Variants in RAPGEF6 observed in about 807,000 individuals in gnomAD.
RAPGEF6 encodes the protein PDZ domain containing guanine nucleotide exchange factor (GEF) 2.
A neutral mutation model predicts 171.4 loss-of-function variants in RAPGEF6; 56 were observed. The ratio of observed to expected loss-of-function variants is 0.33; its 90% CI spans 0.26 to 0.41. RAPGEF6 has a LOEUF of 0.41. RAPGEF6 is among the 10% of genes least tolerant of loss of function. The pLI, the probability that RAPGEF6 is intolerant of heterozygous loss-of-function variation, is 1.00. For synonymous variants in RAPGEF6, 692 were observed against 650.1 expected (o/e 1.06, Z -0.98); for missense variants, 1,674 against 1,921.4 (o/e 0.87, Z 2.41).
chr5:131,445,899 G>A (rs935225954), intron 22 of RAPGEF6, among the ~76,000 whole-genome samples: 2 of 151,782 alleles, frequency 1.3e-5, no homozygotes, highest in African/African-American at 4.8e-5. Context: ...CATTATCTTT[G>A]ATTTCTGCTC....
intron 1 of RAPGEF6, among the ~76,000 whole-genome samples, chr5:131,617,266 GAT>G (rs770941155): frequency 2.1e-4 from 31 of 148,740 alleles, no homozygotes; most frequent in Non-Finnish European, 3.6e-4. Flanking sequence ...GCAATGTGGA[GAT>G]ACTTGGTCTC....
chr5:131,494,661 T>C (rs1199397233), intron 13 of RAPGEF6, among the ~76,000 whole-genome samples: 1 of 152,190 alleles, frequency 6.6e-6, no homozygotes, highest in South Asian at 2.1e-4. Context: ...TATAGATTAC[T>C]GACAAAGAAA....
chr5:131,605,112 T>G (rs1028803750), intron 1 of RAPGEF6, among the ~76,000 whole-genome samples: 3 of 152,194 alleles, frequency 2.0e-5, no homozygotes, highest in African/African-American at 7.2e-5. Context: ...AAAGAATTTC[T>G]TTCTAAAGAG....
At position 131,523,279 on chromosome 5, in the gene RAPGEF6, CTT is replaced by C. The variant is rs1171953953; in HGVS notation, c.496-1760_496-1759del. On this transcript the variant is annotated intron_variant, in intron 6 of 27. Transcript: ENST00000509018. ...GGCCACATACAGTTTCTGTTGTATG[CTT>C]TTTTTTTTTTTTTTTTTTTTTTTTA... Among the ~76,000 whole-genome samples, 132 of 66,648 alleles carry C rather than the reference CTT, an allele frequency of 2.0e-3. 1 individual carries two copies. The highest frequency in any genetic ancestry group is 0.013 in the East Asian group (29 of 2,196). The allele number at this position is 66,648 out of a possible 152,430, so 43.7% of individuals were successfully genotyped here.
intron 20 of RAPGEF6, among the ~76,000 whole-genome samples, chr5:131,453,565 T>C (rs1310449350): frequency 6.6e-6 from 1 of 152,156 alleles, no homozygotes; most frequent in African/African-American, 2.4e-5. Flanking sequence ...CACTTCAGCC[T>C]GGGCAACAGA....
At chr5:131,539,687 T>A (rs1377348901) in intron 6 of RAPGEF6, among the ~76,000 whole-genome samples, 1 of 152,168 alleles carries the variant, frequency 6.6e-6, no homozygotes, top group Non-Finnish European at 1.5e-5. Flanking sequence ...CACCACAAAG[T>A]TGGTAAGTGA....
At chr5:131,502,999 C>T (rs576130702) in intron 11 of RAPGEF6, among the ~76,000 whole-genome samples, 2 of 152,236 alleles carry the variant, frequency 1.3e-5, no homozygotes, top group South Asian at 4.2e-4. Context: ...AATAGGGTTT[C>T]ACCATGTTGG....
intron 16 of RAPGEF6, 74 bp from the exon 17 acceptor site, chr5:131,472,818 C>T (rs1417232820): frequency 2.3e-6 from 3 of 1,307,648 alleles, no homozygotes; most frequent in East Asian, 2.4e-5. Context: ...GTTCCCTGTG[C>T]ACTAAGGCAT....
intron 1 of RAPGEF6, among the ~76,000 whole-genome samples, chr5:131,619,133 G>A (rs1275543452): frequency 2.0e-5 from 3 of 152,026 alleles, no homozygotes; most frequent in Non-Finnish European, 2.9e-5. Flanking sequence ...ACCCTGGATT[G>A]AAAAATGAAA....
intron 7 of RAPGEF6, among the ~76,000 whole-genome samples, chr5:131,518,996 T>A (rs928377111): frequency 6.6e-6 from 1 of 152,120 alleles, no homozygotes; most frequent in Non-Finnish European, 1.5e-5. Flanking sequence ...AGAAAAGAGA[T>A]TGGTGGTTGC....
intron 19 of RAPGEF6, among the ~76,000 whole-genome samples, chr5:131,457,358 A>C (rs1450282240): frequency 6.6e-6 from 1 of 152,242 alleles, no homozygotes; most frequent in African/African-American, 2.4e-5. Flanking sequence ...GGCATGAGCC[A>C]CCATGCCAAG....
At chr5:131,540,175 T>TA (rs1456276586) in intron 6 of RAPGEF6, among the ~76,000 whole-genome samples, 4 of 151,806 alleles carry the variant, frequency 2.6e-5, no homozygotes, top group Admixed American at 1.3e-4. Flanking sequence ...GAACAAGAAA[T>TA]AAAAAAAATT....
rs143888241 is a variant in RAPGEF6, at chr5:131,576,207, C to T, written c.282-14160G>A. Among the ~76,000 whole-genome samples, 96 of 152,214 alleles carry T rather than the reference C, an allele frequency of 6.3e-4. 1 individual carries two copies. Among genetic ancestry groups the T allele is most frequent in the African/African-American group, 1.7e-3 (71 of 41,538 alleles). On this transcript the variant is annotated intron_variant, in intron 4 of 27. Transcript: ENST00000509018. Reference sequence around the variant, plus strand: ...TCTTTCCTGTTCCTAATCCAGACTGCGCTTGGTTTACTGATGGTAGTTCTT... The same window carrying T: ...TCTTTCCTGTTCCTAATCCAGACTGTGCTTGGTTTACTGATGGTAGTTCTT...
rs558617328 is a variant in RAPGEF6, at chr5:131,429,131, C to A, written c.4551G>T (p.Ala1517=). 4.8e-5 allele frequency: 78 copies of A among 1,613,820 alleles called. No homozygotes were observed. In the South Asian group the frequency reaches 8.5e-4, roughly 17 times the overall value. Residue 1517 remains alanine, a synonymous_variant, in exon 27 of 28, where the codon GCG becomes GCT. Transcript: ENST00000509018. The part of the protein sequence containing the change: ...TPPGYLGISL[A]DLKEGPHTHL... ...GTGTGTGGGGTCCTTCCTTTAGGTC[C>A]GCTAAAGAAATCCCCAAATATCCTG...
At chr5:131,570,135 TAC>T (rs1278794524) in intron 4 of RAPGEF6, among the ~76,000 whole-genome samples, 2 of 141,674 alleles carry the variant, frequency 1.4e-5, no homozygotes, top group African/African-American at 5.2e-5. Flanking sequence ...CCAAAATAGA[TAC>T]ATTCTTACAA....
chr5:131,559,424 T>C (rs775728961), intron 5 of RAPGEF6, among the ~76,000 whole-genome samples: 3 of 152,362 alleles, frequency 2.0e-5, no homozygotes, highest in Non-Finnish European at 2.9e-5. Context: ...TTTTGTTTTA[T>C]GTATTTTGAA....
chr5:131,433,030 G>C (rs1422868990), intron 25 of RAPGEF6, among the ~76,000 whole-genome samples: 1 of 151,976 alleles, frequency 6.6e-6, no homozygotes, highest in South Asian at 2.1e-4. Context: ...TCAGAGGACA[G>C]AGATCAAGGG....
chr5:131,438,052 G>T (rs1392308194), intron 24 of RAPGEF6, among the ~76,000 whole-genome samples: 1 of 152,034 alleles, frequency 6.6e-6, no homozygotes, highest in Non-Finnish European at 1.5e-5. Context: ...GCAATAGCAT[G>T]ATCTTGGCTC....
At chr5:131,601,757 G>T (rs1764270188) in intron 3 of RAPGEF6, among the ~76,000 whole-genome samples, 1 of 152,164 alleles carries the variant, frequency 6.6e-6, no homozygotes, top group Admixed American at 6.5e-5. Flanking sequence ...CAATTGGCCG[G>T]GCGCAGTGGC....
Sources: allele counts gnomAD v4.1 joint callset (sites outside exome capture counted in the v4.1 genomes callset), GRCh38; gene constraint gnomAD v4.1.1; transcripts MANE v1.5; gene names NCBI Gene and HGNC (gene_info 2026-07-23, HGNC 2026-07-21).